CAPN11: variants seen among roughly 807,000 people sequenced by gnomAD.
The protein encoded by CAPN11 is calpain 11, also known as calpain-11.
CAPN11 carries 108 observed loss-of-function variants against 105.3 expected under a neutral mutation model. The observed-to-expected ratio is 1.03, with a 90% CI of 0.88 to 1.20. The LOEUF (loss-of-function observed/expected upper bound fraction) is 1.20. Ranked by LOEUF, CAPN11 falls within the 50% of genes most tolerant of loss-of-function variation. CAPN11 has a pLI of 0.00. For synonymous variants in CAPN11, 329 were observed against 344.5 expected (o/e 0.96, Z 0.50); for missense variants, 883 against 924.8 (o/e 0.95, Z 0.59).
At position 44,181,719 on chromosome 6, in the gene CAPN11, TCA is replaced by T. The variant is rs1491413857; in HGVS notation, c.1938+402_1938+403del. Among the ~76,000 whole-genome samples the T allele has an allele frequency of 8.2e-3, 13 of 1,588 alleles. 3 individuals carry two copies. Among genetic ancestry groups the T allele is most frequent in the East Asian group, 0.076 (12 of 158 alleles). 1.0% of individuals were successfully genotyped at this position (1,588 alleles called of 152,430 possible). On this transcript the variant is annotated intron_variant, in intron 19 of 22. Coordinates refer to ENST00000398776, the MANE Select transcript of CAPN11 (RefSeq NM_007058.4). ...ACACCACACTCACACACACACACAC[TCA>T]CAGACACAACCACACCACACTCACA...
intron 12 of CAPN11, among the ~76,000 whole-genome samples, chr6:44,178,521 G>C (rs1207984464): frequency 6.6e-6 from 1 of 152,064 alleles, no homozygotes; most frequent in Non-Finnish European, 1.5e-5. Context: ...CCCCTGTCCA[G>C]TCTCCAGGGG....
At chr6:44,183,602 C>G (rs957544678) in intron 21 of CAPN11, 103 bp from the exon 22 acceptor site, 1 of 1,060,090 alleles carries the variant, frequency 9.4e-7, no homozygotes, top group African/African-American at 1.6e-5. Flanking sequence ...TGGGGAACAG[C>G]CAGGAACACC....
At position 44,174,808 on chromosome 6, in the gene CAPN11, C is replaced by T. The variant is rs546003848; in HGVS notation, c.832-1260C>T. 4.8e-4 allele frequency among the ~76,000 whole-genome samples: 73 copies of T among 151,952 alleles called. No homozygotes were observed. The South Asian group carries it at 6.2e-3, about 13-fold the overall frequency. On this transcript the variant is annotated intron_variant, in intron 7 of 22. Transcript: ENST00000398776. Reference sequence around the variant, plus strand: ...CTAAGTTTTGTATTTTTAGTAGAGACGGGGTTTCACCATGTTGGCCAGACT... The same window carrying T: ...CTAAGTTTTGTATTTTTAGTAGAGATGGGGTTTCACCATGTTGGCCAGACT...
Position 44,181,429 on chromosome 6 carries a change from CA to C in CAPN11, c.1938+110del, listed in dbSNP as rs1233715335. On this transcript the variant is annotated intron_variant, in intron 19 of 22. Coordinates refer to ENST00000398776, the MANE Select transcript of CAPN11 (RefSeq NM_007058.4). The stretch of plus-strand genomic sequence containing the variant: ...CCCAAGCCCTAACCACACACACACA[CA>C]CACCCAACCACACCACACTCACACA... The C allele has an allele frequency of 6.0e-5, 44 of 739,254 alleles. 10 individuals carry two copies. Among genetic ancestry groups the C allele is most frequent in the East Asian group, 8.2e-5 (3 of 36,602 alleles). 45.8% of individuals were successfully genotyped at this position (739,254 alleles called of 1,614,324 possible).
rs1770583197 is a variant in CAPN11, at chr6:44,169,394, G to A, written c.202G>A (p.Glu68Lys). The change falls in exon 3 of 23, where the codon GAG becomes AAG. Residue 68 changes from glutamate (E) to lysine (K), a missense_variant. Coordinates refer to ENST00000398776, the MANE Select transcript of CAPN11 (RefSeq NM_007058.4). Reference sequence around the variant, plus strand: ...GAACTTTGGTAACCAGAGCTTTGAGGAGCTGCGAGCAGCCTGTCTAAGAAA... The same window carrying A: ...GAACTTTGGTAACCAGAGCTTTGAGAAGCTGCGAGCAGCCTGTCTAAGAAA... The part of the protein sequence containing the change: ...AQNFGNQSFE[E>K]LRAACLRKGE... 1 of 1,613,996 alleles carries A rather than the reference G, an allele frequency of 6.2e-7. No individual in the cohort carries two copies. The highest frequency in any genetic ancestry group is 8.5e-7 in the Non-Finnish European group (1 of 1,179,878).
intron 7 of CAPN11, among the ~76,000 whole-genome samples, chr6:44,174,558 A>G (rs1448319688): frequency 6.9e-6 from 1 of 145,616 alleles, no homozygotes; most frequent in Admixed American, 6.9e-5. Flanking sequence ...GAGAAAAAAG[A>G]AAAAAAAAAA....
At chr6:44,183,307 A>T in intron 21 of CAPN11, 72 bp downstream of exon 21, 1 of 915,574 alleles carries the variant, frequency 1.1e-6, no homozygotes, top group Non-Finnish European at 1.8e-6. Flanking sequence ...ACCCACCCTG[A>T]TGGGTGCTGC....
Position 44,176,119 on chromosome 6 carries a change from G to T in CAPN11, c.883G>T (p.Gly295Trp), listed in dbSNP as rs779079111. The T allele has an allele frequency of 1.2e-6, 2 of 1,613,196 alleles. No individual in the cohort carries two copies. The highest frequency in any genetic ancestry group is 2.7e-5 in the African/African-American group (2 of 74,884). ...CATGACTGACAAGATGCTGGTGAGA[G>T]GGCACGCTTACTCTGTGACTGGCCT... ...ESMTDKMLVRGHAYSVTGLQD... is the reference protein window; with the variant it reads ...ESMTDKMLVRWHAYSVTGLQD... Residue 295 changes from glycine (G) to tryptophan (W), a missense_variant, in exon 8 of 23, where the codon GGG becomes TGG. By Grantham distance (184) the Gly-to-Trp change is radical. Transcript: ENST00000398776.
At chr6:44,174,515 CAAAAAA>C (rs66536720) in intron 7 of CAPN11, among the ~76,000 whole-genome samples, 1 of 77,304 alleles carries the variant, frequency 1.3e-5, no homozygotes, top group Non-Finnish European at 2.4e-5. Context: ...TCATCTCTAC[CAAAAAA>C]AAAAAAAAAA....
At chr6:44,179,557 C>T in intron 12 of CAPN11, 62 bp from the exon 13 acceptor site, 3 of 1,488,872 alleles carry the variant, frequency 2.0e-6, no homozygotes, top group Non-Finnish European at 2.8e-6. Flanking sequence ...CACTTGGCTT[C>T]TGAAGGCCTG....
Position 44,181,431 on chromosome 6 carries a change from C to A in CAPN11, c.1938+111C>A. 2 of 702,658 alleles carry A rather than the reference C, an allele frequency of 2.8e-6. 1 individual carries two copies. Among genetic ancestry groups the A allele is most frequent in the South Asian group, 3.3e-5 (2 of 60,068 alleles). 43.5% of individuals were successfully genotyped at this position (702,658 alleles called of 1,614,324 possible). A position where few individuals can be genotyped will look rare whatever the true frequency, so the allele number is the denominator to read the frequency against. On this transcript the variant is annotated intron_variant, in intron 19 of 22. Transcript: ENST00000398776. ...CAAGCCCTAACCACACACACACACA[C>A]ACCCAACCACACCACACTCACACAC...
Position 44,177,006 on chromosome 6 carries a change from A to AGG in CAPN11, c.1237+11_1237+12dup. On this transcript the variant is annotated intron_variant, in intron 11 of 22. Coordinates refer to ENST00000398776, the MANE Select transcript of CAPN11 (RefSeq NM_007058.4). ...GCTGCAGGAACCACCCTGGTGGGTG[A>AGG]GGGGTGAGAGGGGAGGGGGTGTGCA... 6.2e-7 allele frequency: 1 copy of AGG among 1,611,318 alleles called. No individual in the cohort carries two copies. The highest frequency in any genetic ancestry group is 8.5e-7 in the Non-Finnish European group (1 of 1,179,368).
At chr6:44,176,209 C>CCTGACCGGAGGAGAACGTCTCA in intron 8 of CAPN11, 44 bp from the exon 9 acceptor site, 1 of 1,607,620 alleles carries the variant, frequency 6.2e-7, no homozygotes, top group Non-Finnish European at 8.5e-7. Flanking sequence ...AGAACGTCTC[C>CCTGACCGGAGGAGAACGTCTCA]CTGACCCCAT....
rs976383292 is a variant in CAPN11 at position 44,184,189 on chromosome 6, C to T, written c.*257C>T. On this transcript the variant is annotated 3_prime_UTR_variant, in exon 23 of 23. Coordinates refer to ENST00000398776, the MANE Select transcript of CAPN11 (RefSeq NM_007058.4). ...GCTGGCTTTCCCCCACCATCGCTCT[C>T]TCAGAGTATATTTTACTAAAGAGTA... is the stretch of plus-strand genomic sequence containing the variant. 1 of 569,842 alleles carries T rather than the reference C, an allele frequency of 1.8e-6. No individual in the cohort carries two copies. Among genetic ancestry groups the T allele is most frequent in the African/African-American group, 1.9e-5 (1 of 53,302 alleles). The allele number at this position is 569,842 out of a possible 1,614,324, so 35.3% of individuals were successfully genotyped here. A position where few individuals can be genotyped will look rare whatever the true frequency, so the allele number is the denominator to read the frequency against.
chr6:44,177,369 T>C lies in CAPN11; in HGVS notation c.1365T>C (p.His455=), dbSNP rs543186037. ...LVALMQKNWR[H]ARQQGAQLQT... ...CCCTAATGCAGAAGAACTGGCGGCATGCACGGCAGCAGGGAGCCCAGCTGC... is the reference window on the plus strand; with the variant it reads ...CCCTAATGCAGAAGAACTGGCGGCACGCACGGCAGCAGGGAGCCCAGCTGC... Residue 455 remains histidine, a synonymous_variant, in exon 12 of 23, where the codon CAT becomes CAC. Transcript: ENST00000398776. 6.2e-7 allele frequency: 1 copy of C among 1,613,892 alleles called. No homozygotes were observed. Among genetic ancestry groups the C allele is most frequent in the Admixed American group, 1.7e-5 (1 of 60,022 alleles).
At chr6:44,183,846 C>T (rs1176168766) in intron 22 of CAPN11, 60 bp from the exon 23 acceptor site, 4 of 1,575,900 alleles carry the variant, frequency 2.5e-6, no homozygotes, top group African/African-American at 1.3e-5. Flanking sequence ...TCTGATGTCC[C>T]CGGGCCAGCA....
At position 44,181,715 on chromosome 6, in the gene CAPN11, ACACT is replaced by A. The variant is rs201302530; in HGVS notation, c.1938+399_1938+402del. Reference sequence around the variant, plus strand: ...AACCACACCACACTCACACACACACACACTCACAGACACAACCACACCACACTCA... The same window carrying A: ...AACCACACCACACTCACACACACACACACAGACACAACCACACCACACTCA... On this transcript the variant is annotated intron_variant, in intron 19 of 22. Coordinates refer to ENST00000398776, the MANE Select transcript of CAPN11 (RefSeq NM_007058.4). 4.2e-4 allele frequency among the ~76,000 whole-genome samples: 6 copies of A among 14,192 alleles called. 1 individual carries two copies. The highest frequency in any genetic ancestry group is 2.6e-3 in the East Asian group (4 of 1,558). 9.3% of individuals were successfully genotyped at this position (14,192 alleles called of 152,430 possible).
intron 12 of CAPN11, 147 bp from the exon 13 acceptor site, chr6:44,179,472 C>A: frequency 1.4e-6 from 1 of 738,824 alleles, no homozygotes; most frequent in South Asian, 1.6e-5. Context: ...CCGTGCCCCA[C>A]TCCACCACCA....
Position 44,173,074 on chromosome 6 carries a change from G to A in CAPN11, c.662+1G>A, listed in dbSNP as rs1468198865. On this transcript the variant is annotated splice_donor_variant, in intron 6 of 22. Transcript: ENST00000398776. LOFTEE classifies it high-confidence loss of function. ...CCCTGCTGGAGAAGGCGTATGCCAAGTGAGTGCTGGGAGCTGAGGAAGGGG... is the reference window on the plus strand; with the variant it reads ...CCCTGCTGGAGAAGGCGTATGCCAAATGAGTGCTGGGAGCTGAGGAAGGGG... 5.6e-6 allele frequency: 9 copies of A among 1,613,344 alleles called. No individual in the cohort carries two copies. The highest frequency in any genetic ancestry group is 7.6e-6 in the Non-Finnish European group (9 of 1,179,422).
Sources: gnomAD v4.1 joint callset for allele counts (sites outside exome capture counted in the v4.1 genomes callset) on GRCh38, gnomAD v4.1.1 for gene constraint, MANE v1.5 for transcripts, NCBI Gene and HGNC (gene_info 2026-07-23, HGNC 2026-07-21) for gene names.